The following CDH13 variants were observed in gnomAD, a reference collection of about 807,000 sequenced individuals.
CDH13 encodes cadherin 13, also known as cadherin-13.
Under a neutral mutation model 63.8 loss-of-function variants are expected in CDH13, and 24 were observed. The observed-to-expected ratio is 0.38, with a 90% CI of 0.27 to 0.53. CDH13 has a LOEUF of 0.53. CDH13 is among the 20% of genes least tolerant of loss of function. The pLI is 0.85. For synonymous variants in CDH13, 503 were observed against 355.3 expected (o/e 1.42, Z -4.67); for missense variants, 1,049 against 903.1 (o/e 1.16, Z -2.07).
chr16:83,001,902 A>G (rs2151424110), intron 2 of CDH13, among the ~76,000 whole-genome samples: 1 of 152,336 alleles, frequency 6.6e-6, no homozygotes, highest in Non-Finnish European at 1.5e-5. Context: ...TTGTCTCAGG[A>G]GAGCTGTACA....
chr16:82,804,358 T>C (rs1053580123), intron 1 of CDH13, among the ~76,000 whole-genome samples: 4 of 150,348 alleles, frequency 2.7e-5, no homozygotes, highest in African/African-American at 9.9e-5. Context: ...CTTTTAGAGG[T>C]GATGGATATA....
intron 1 of CDH13, among the ~76,000 whole-genome samples, chr16:82,753,590 A>T (rs79586530): frequency 6.6e-6 from 1 of 152,222 alleles, no homozygotes; most frequent in Non-Finnish European, 1.5e-5. Flanking sequence ...TCAAAAAAAA[A>T]TTCTTTATAG....
chr16:83,637,252 C>CTCCACACACCT (rs1358319864), intron 8 of CDH13, among the ~76,000 whole-genome samples: 1 of 140,218 alleles, frequency 7.1e-6, no homozygotes, highest in Non-Finnish European at 1.5e-5. Flanking sequence ...TAACAGATCT[C>CTCCACACACCT]GGGAGGAGCC....
intron 2 of CDH13, among the ~76,000 whole-genome samples, chr16:83,010,977 T>A (rs1914094120): frequency 6.6e-6 from 1 of 152,216 alleles, no homozygotes; most frequent in Non-Finnish European, 1.5e-5. Flanking sequence ...TTCACACTTC[T>A]AATGCGTAGA....
At chr16:83,255,515 A>G (rs529587566) in intron 5 of CDH13, among the ~76,000 whole-genome samples, 8 of 152,354 alleles carry the variant, frequency 5.3e-5, no homozygotes, top group African/African-American at 1.7e-4. Flanking sequence ...TGTCCAGTAA[A>G]GAATGGGCTA....
At chr16:82,669,545 GA>G (rs1324053237) in intron 1 of CDH13, among the ~76,000 whole-genome samples, 1 of 152,104 alleles carries the variant, frequency 6.6e-6, no homozygotes, top group African/African-American at 2.4e-5. Flanking sequence ...AATTTGACTG[GA>G]AAAAATCCAG....
chr16:82,718,893 C>G (rs1282278381), intron 1 of CDH13, among the ~76,000 whole-genome samples: 1 of 152,120 alleles, frequency 6.6e-6, no homozygotes, highest in Non-Finnish European at 1.5e-5. Context: ...TATCAAGTGT[C>G]CAGAGTGAAA....
At chr16:83,440,766 C>T (rs1000023435) in intron 6 of CDH13, among the ~76,000 whole-genome samples, 12 of 131,464 alleles carry the variant, frequency 9.1e-5, no homozygotes, top group Non-Finnish European at 1.6e-4. Context: ...GCCTGGGCAG[C>T]AGATTGAGAC....
chr16:83,480,766 C>A (rs35233525), intron 6 of CDH13, among the ~76,000 whole-genome samples: 15,799 of 152,112 alleles, frequency 0.1, 909 homozygotes, highest in Non-Finnish European at 0.13. Context: ...CCAGGAGGCC[C>A]CAAACCCATT....
chr16:82,771,039 A>G (rs1020508033), intron 1 of CDH13, among the ~76,000 whole-genome samples: 1 of 152,202 alleles, frequency 6.6e-6, no homozygotes, highest in Non-Finnish European at 1.5e-5. Flanking sequence ...TTTTATGTGT[A>G]TATTTTTAAA....
intron 10 of CDH13, among the ~76,000 whole-genome samples, chr16:83,733,769 A>G (rs389592): frequency 0.92 from 140,751 of 152,208 alleles, 65,239 homozygotes; most frequent in Admixed American, 0.96. Flanking sequence ...CTGACATCCC[A>G]GTTTGCTCTC....
intron 1 of CDH13, among the ~76,000 whole-genome samples, chr16:82,796,516 A>C (rs11644588): frequency 0.26 from 39,975 of 152,178 alleles, 6,430 homozygotes; most frequent in South Asian, 0.4. Flanking sequence ...TGGAATTTAC[A>C]TTCTAAAGGG....
intron 4 of CDH13, among the ~76,000 whole-genome samples, chr16:83,202,470 C>T (rs1425353837): frequency 1.3e-5 from 2 of 152,092 alleles, no homozygotes; most frequent in Admixed American, 6.6e-5. Context: ...GAGACAGTAG[C>T]GGCTTCACAG....
intron 2 of CDH13, among the ~76,000 whole-genome samples, chr16:82,888,720 C>T (rs1410077126): frequency 3.3e-5 from 5 of 152,228 alleles, no homozygotes; most frequent in African/African-American, 9.7e-5. Context: ...TTGCCTTGGA[C>T]AGCAGCCCTG....
chr16:82,993,752 C>G (rs952141458), intron 2 of CDH13, among the ~76,000 whole-genome samples: 3 of 152,070 alleles, frequency 2.0e-5, no homozygotes, highest in African/African-American at 7.2e-5. Context: ...AAACAGGCCA[C>G]TGAAACAAAC....
At chr16:83,062,163 A>G (rs1426587850) in intron 3 of CDH13, among the ~76,000 whole-genome samples, 1 of 152,176 alleles carries the variant, frequency 6.6e-6, no homozygotes, top group East Asian at 1.9e-4. Context: ...AATGATGTCA[A>G]AGATCTTTCT....
intron 3 of CDH13, among the ~76,000 whole-genome samples, chr16:83,110,829 A>G (rs2035021955): frequency 6.6e-6 from 1 of 151,928 alleles, no homozygotes; most frequent in African/African-American, 2.4e-5. Flanking sequence ...CATACCCCAA[A>G]ACCTTGGGAC....
chr16:82,985,350 C>G (rs1453928471), intron 2 of CDH13, among the ~76,000 whole-genome samples: 2 of 151,702 alleles, frequency 1.3e-5, no homozygotes, highest in Non-Finnish European at 1.5e-5. Context: ...AAGCAGAACT[C>G]TGCTCAGAGA....
chr16:83,435,208 G>A (rs946921139), intron 6 of CDH13, among the ~76,000 whole-genome samples: 1 of 151,648 alleles, frequency 6.6e-6, no homozygotes, highest in Non-Finnish European at 1.5e-5. Flanking sequence ...TACCATGTCC[G>A]GCTAATTGTA....
Sources: gnomAD v4.1 joint callset for allele counts (sites outside exome capture counted in the v4.1 genomes callset) on GRCh38, gnomAD v4.1.1 for gene constraint, MANE v1.5 for transcripts, NCBI Gene and HGNC (gene_info 2026-07-23, HGNC 2026-07-21) for gene names.